SCFD2: variants seen among roughly 807,000 people sequenced by gnomAD.
The protein encoded by SCFD2 is sec1 family domain-containing protein 2.
SCFD2 carries 54 observed loss-of-function variants against 58.9 expected under a neutral mutation model. That is an observed-to-expected ratio of 0.92 (90% CI 0.74 to 1.15). The LOEUF (loss-of-function observed/expected upper bound fraction) is 1.15, where lower values mean the gene tolerates loss of function less well. SCFD2 is among the 50% of genes most tolerant of loss of function. The probability of loss-of-function intolerance (pLI) is 0.00; values close to 1 mark genes in which losing one functional copy is unlikely to be tolerated. For synonymous variants in SCFD2, 321 were observed against 335.9 expected (o/e 0.96, Z 0.49); for missense variants, 805 against 836.6 (o/e 0.96, Z 0.47).
chr4:52,996,119 G>C (rs1026460072), intron 5 of SCFD2, among the ~76,000 whole-genome samples: 2 of 152,144 alleles, frequency 1.3e-5, no homozygotes, highest in Non-Finnish European at 2.9e-5. Flanking sequence ...AAGTCACCTC[G>C]ATTATGGAAG....
At chr4:53,077,426 T>C (rs1724009916) in intron 5 of SCFD2, among the ~76,000 whole-genome samples, 1 of 152,256 alleles carries the variant, frequency 6.6e-6, no homozygotes, top group South Asian at 2.1e-4. Context: ...CCTGGACTCA[T>C]GAACATTTAT....
At chr4:52,949,317 T>A (rs1720525883) in intron 5 of SCFD2, 1 of 151,496 alleles carries the variant, frequency 6.6e-6, no homozygotes, top group South Asian at 2.1e-4. Flanking sequence ...ATTTTAACAA[T>A]GGCATCTTTT....
intron 4 of SCFD2, among the ~76,000 whole-genome samples, chr4:53,250,357 CT>C (rs1466743371): frequency 6.6e-6 from 1 of 152,090 alleles, no homozygotes; most frequent in Non-Finnish European, 1.5e-5. Flanking sequence ...TAATGGGAGA[CT>C]TTAACACCCC....
At chr4:52,956,380 G>A (rs552515844) in intron 5 of SCFD2, 139 of 376,086 alleles carry the variant, frequency 3.7e-4, no homozygotes, top group Non-Finnish European at 6.4e-4. Flanking sequence ...CAGAAATCCA[G>A]CTTAAATTAT....
intron 7 of SCFD2, among the ~76,000 whole-genome samples, chr4:52,891,400 G>T (rs568880328): frequency 3.9e-5 from 6 of 152,304 alleles, no homozygotes; most frequent in African/African-American, 1.4e-4. Flanking sequence ...AAAATCAGGT[G>T]GGGGAGGGTA....
chr4:52,947,159 A>T (rs906165443), intron 5 of SCFD2, among the ~76,000 whole-genome samples: 3 of 152,014 alleles, frequency 2.0e-5, no homozygotes, highest in East Asian at 1.9e-4. Flanking sequence ...TACAATAATC[A>T]TTTCTCCCTT....
At chr4:52,877,348 A>C (rs1323963719) in intron 8 of SCFD2, among the ~76,000 whole-genome samples, 1 of 152,054 alleles carries the variant, frequency 6.6e-6, no homozygotes, top group Admixed American at 6.5e-5. Context: ...GGGGCTTCTC[A>C]AGCAGTAGGT....
intron 4 of SCFD2, among the ~76,000 whole-genome samples, chr4:53,220,183 CATTTTTCTTCATAGCACTGATCAAAAGCT>C (rs1729006435): frequency 6.6e-6 from 1 of 152,312 alleles, no homozygotes; most frequent in Admixed American, 6.5e-5. Context: ...GACCCAGCTT[CATTTTTCTTCATAGCACTGATCAAAAGCT>C]ATATTCAAAT....
intron 5 of SCFD2, among the ~76,000 whole-genome samples, chr4:53,047,307 G>T (rs1344799828): frequency 1.3e-5 from 2 of 152,038 alleles, no homozygotes; most frequent in Non-Finnish European, 2.9e-5. Context: ...AATTAGGCAG[G>T]CTTAGTGGCA....
chr4:53,135,992 T>C (rs1725925328), intron 5 of SCFD2, among the ~76,000 whole-genome samples: 1 of 152,208 alleles, frequency 6.6e-6, no homozygotes, highest in Non-Finnish European at 1.5e-5. Context: ...TTGATACCTG[T>C]TAATTGAAAA....
intron 5 of SCFD2, among the ~76,000 whole-genome samples, chr4:53,021,726 A>G (rs1722353866): frequency 6.6e-6 from 1 of 152,128 alleles, no homozygotes; most frequent in African/African-American, 2.4e-5. Context: ...GATGGTAGAA[A>G]AAAGCATTTC....
intron 5 of SCFD2, among the ~76,000 whole-genome samples, chr4:53,099,661 G>T (rs555886964): frequency 6.6e-6 from 1 of 152,134 alleles, no homozygotes; most frequent in Non-Finnish European, 1.5e-5. Context: ...GTGTCAGCCT[G>T]TTTTTAACAA....
intron 4 of SCFD2, among the ~76,000 whole-genome samples, chr4:53,249,003 C>G (rs909245064): frequency 1.3e-5 from 2 of 152,200 alleles, no homozygotes; most frequent in African/African-American, 2.4e-5. Flanking sequence ...GATCAAACTA[C>G]TCCGAGCTAT....
At chr4:53,167,769 T>G (rs568455687) in intron 4 of SCFD2, among the ~76,000 whole-genome samples, 9 of 152,360 alleles carry the variant, frequency 5.9e-5, no homozygotes, top group Admixed American at 1.3e-4. Flanking sequence ...GGAGAGTTCT[T>G]TCTTCATATA....
chr4:53,272,305 G>T (rs1317552267), intron 4 of SCFD2, among the ~76,000 whole-genome samples: 14 of 152,032 alleles, frequency 9.2e-5, no homozygotes, highest in Admixed American at 9.2e-4. Flanking sequence ...ATTCCTCAGG[G>T]ATCTAGAACT....
intron 4 of SCFD2, among the ~76,000 whole-genome samples, chr4:53,162,873 AAAATAAAT>A (rs1413146811): frequency 6.6e-6 from 1 of 151,578 alleles, no homozygotes; most frequent in Non-Finnish European, 1.5e-5. Context: ...AATAAAATAA[AAAATAAAT>A]AAATAAATAA....
At chr4:53,172,802 ATG>A (rs1454115359) in intron 4 of SCFD2, among the ~76,000 whole-genome samples, 8 of 152,218 alleles carry the variant, frequency 5.3e-5, no homozygotes. Flanking sequence ...GTTGAAAAGA[ATG>A]TGCATTCTGT....
intron 2 of SCFD2, among the ~76,000 whole-genome samples, chr4:53,323,039 T>C: frequency 6.6e-6 from 1 of 152,266 alleles, no homozygotes. Flanking sequence ...TTATATGCAA[T>C]GATTATACAG....
intron 4 of SCFD2, among the ~76,000 whole-genome samples, chr4:53,203,945 C>T (rs1728329403): frequency 6.6e-6 from 1 of 152,142 alleles, no homozygotes; most frequent in Non-Finnish European, 1.5e-5. Context: ...GAATTATTAA[C>T]TGAATGTACA....
Sources: gnomAD v4.1 joint callset for allele counts (sites outside exome capture counted in the v4.1 genomes callset) on GRCh38, gnomAD v4.1.1 for gene constraint, MANE v1.5 for transcripts, NCBI Gene and HGNC (gene_info 2026-07-23, HGNC 2026-07-21) for gene names.